Variants in ADGRL3 observed in about 807,000 individuals in gnomAD.
The protein encoded by ADGRL3 is adhesion G protein-coupled receptor L3.
A neutral mutation model predicts 153.5 loss-of-function variants in ADGRL3; 62 were observed. That is an observed-to-expected ratio of 0.40 (90% CI 0.33 to 0.50). The LOEUF is 0.50. Ranked by LOEUF, ADGRL3 falls within the 20% of genes least tolerant of loss-of-function variation. The pLI is 0.47. For synonymous variants in ADGRL3, 710 were observed against 672.5 expected (o/e 1.06, Z -0.86); for missense variants, 1,641 against 1,859.4 (o/e 0.88, Z 2.16).
chr4:61,818,397 C>A (rs1018266167), intron 9 of ADGRL3, among the ~76,000 whole-genome samples: 4 of 152,192 alleles, frequency 2.6e-5, no homozygotes, highest in Non-Finnish European at 5.9e-5. Flanking sequence ...CAGGGCACAG[C>A]CCTTTATGAG....
intron 2 of ADGRL3, among the ~76,000 whole-genome samples, chr4:61,390,302 C>G (rs2096787416): frequency 6.6e-6 from 1 of 152,066 alleles, no homozygotes; most frequent in African/African-American, 2.4e-5. Context: ...TTGTCTTGAC[C>G]AGACCTTAGT....
intron 1 of ADGRL3, among the ~76,000 whole-genome samples, chr4:61,287,840 G>A (rs1475090933): frequency 6.6e-6 from 1 of 151,872 alleles, no homozygotes; most frequent in African/African-American, 2.4e-5. Context: ...GAAATTCGGG[G>A]TACTGTTTGG....
At chr4:61,722,174 A>T (rs1580453249) in intron 6 of ADGRL3, among the ~76,000 whole-genome samples, 1 of 152,192 alleles carries the variant, frequency 6.6e-6, no homozygotes, top group Admixed American at 6.5e-5. Context: ...TTCACTTAAC[A>T]ATTTTATGGA....
intron 8 of ADGRL3, among the ~76,000 whole-genome samples, chr4:61,749,130 C>G (rs1367076705): frequency 6.6e-6 from 1 of 152,112 alleles, no homozygotes; most frequent in Non-Finnish European, 1.5e-5. Context: ...CACTGGCCCT[C>G]ACAGAAATGC....
chr4:61,218,840 T>C (rs1244456724), intron 1 of ADGRL3, among the ~76,000 whole-genome samples: 1 of 152,206 alleles, frequency 6.6e-6, no homozygotes, highest in Non-Finnish European at 1.5e-5. Flanking sequence ...ATCTGGCTAG[T>C]AAGTAGTAGT....
intron 9 of ADGRL3, among the ~76,000 whole-genome samples, chr4:61,817,162 C>CT (rs1554038679): frequency 7.0e-6 from 1 of 142,988 alleles, no homozygotes; most frequent in African/African-American, 2.6e-5. Context: ...CCCCCCCCCC[C>CT]ACCAAGGCAT....
At chr4:62,020,185 A>G (rs2099231504) in intron 21 of ADGRL3, among the ~76,000 whole-genome samples, 1 of 152,146 alleles carries the variant, frequency 6.6e-6, no homozygotes, top group African/African-American at 2.4e-5. Flanking sequence ...ATACAGTATG[A>G]AAAAGAATAT....
chr4:61,757,549 G>C (rs113728427), intron 8 of ADGRL3, among the ~76,000 whole-genome samples: 13,164 of 151,824 alleles, frequency 0.087, 1,202 homozygotes, highest in African/African-American at 0.23. Context: ...TATCAATTTT[G>C]TTGATCTTTT....
intron 13 of ADGRL3, among the ~76,000 whole-genome samples, chr4:61,914,543 G>T (rs1248817177): frequency 6.6e-6 from 1 of 152,060 alleles, no homozygotes; most frequent in Non-Finnish European, 1.5e-5. Context: ...ATACATGGGA[G>T]GGGGAACTTA....
At chr4:61,728,662 T>A (rs897506258) in intron 6 of ADGRL3, among the ~76,000 whole-genome samples, 7 of 152,068 alleles carry the variant, frequency 4.6e-5, no homozygotes, top group African/African-American at 1.7e-4. Context: ...TCTCTGTATT[T>A]ATCAGGAAGA....
At chr4:61,958,377 G>GTTTCTTTCTTTCTTTC (rs3065141) in intron 17 of ADGRL3, among the ~76,000 whole-genome samples, 1,833 of 148,144 alleles carry the variant, frequency 0.012, 24 homozygotes, top group Non-Finnish European at 0.016. Flanking sequence ...TGTTGTAAAG[G>GTTTCTTTCTTTCTTTC]TTTCTTTCTT....
chr4:61,938,140 T>C (rs1169645980), intron 15 of ADGRL3, among the ~76,000 whole-genome samples: 2 of 152,108 alleles, frequency 1.3e-5, no homozygotes, highest in African/African-American at 2.4e-5. Context: ...TGACTAAGTG[T>C]GCTGGTAACT....
At chr4:61,438,835 G>A (rs576175624) in intron 2 of ADGRL3, among the ~76,000 whole-genome samples, 1 of 151,590 alleles carries the variant, frequency 6.6e-6, no homozygotes, top group Non-Finnish European at 1.5e-5. Flanking sequence ...AGCTTCCCGA[G>A]TAGCTGAGAC....
chr4:61,524,731 G>C (rs2152930722), intron 4 of ADGRL3, among the ~76,000 whole-genome samples: 1 of 152,164 alleles, frequency 6.6e-6, no homozygotes, highest in African/African-American at 2.4e-5. Context: ...GACCTAGTAA[G>C]TGTTCCCCAC....
chr4:61,230,168 C>T (rs1205867526), intron 1 of ADGRL3, among the ~76,000 whole-genome samples: 1 of 152,124 alleles, frequency 6.6e-6, no homozygotes, highest in Non-Finnish European at 1.5e-5. Context: ...GGTTTTCTTG[C>T]TTAGTGATGG....
chr4:61,930,604 C>T (rs549998265), intron 13 of ADGRL3, among the ~76,000 whole-genome samples: 64 of 151,920 alleles, frequency 4.2e-4, no homozygotes, highest in African/African-American at 1.1e-3. Flanking sequence ...GAGTAATATT[C>T]GTCAACTGAA....
intron 2 of ADGRL3, among the ~76,000 whole-genome samples, chr4:61,472,985 T>C (rs1260930049): frequency 1.3e-5 from 2 of 152,116 alleles, no homozygotes; most frequent in Non-Finnish European, 2.9e-5. Flanking sequence ...GTAGGGCTTG[T>C]CAGTGCTACA....
chr4:61,696,487 CTATT>C (rs2151220983), intron 6 of ADGRL3, among the ~76,000 whole-genome samples: 1 of 151,958 alleles, frequency 6.6e-6, no homozygotes, highest in East Asian at 1.9e-4. Context: ...ATTAATTTAA[CTATT>C]TAGTGTACTT....
intron 1 of ADGRL3, among the ~76,000 whole-genome samples, chr4:61,330,801 T>A (rs1218768310): frequency 6.6e-6 from 1 of 152,074 alleles, no homozygotes; most frequent in Admixed American, 6.6e-5. Context: ...CCACCCATGG[T>A]CTGCTGATTG....
Sources: gnomAD v4.1 joint callset for allele counts (sites outside exome capture counted in the v4.1 genomes callset) on GRCh38, gnomAD v4.1.1 for gene constraint, MANE v1.5 for transcripts, NCBI Gene and HGNC (gene_info 2026-07-23, HGNC 2026-07-21) for gene names.